CAST: variants seen among roughly 807,000 people sequenced by gnomAD.
CAST encodes the protein calpastatin.
Under a neutral mutation model 119.6 loss-of-function variants are expected in CAST, and 76 were observed. The observed-to-expected ratio is 0.64, with a 90% CI of 0.53 to 0.77. The LOEUF is 0.77. Ranked by LOEUF, CAST falls within the 30% of genes least tolerant of loss-of-function variation. The pLI, the probability that CAST is intolerant of heterozygous loss-of-function variation, is 0.00. For synonymous variants in CAST, 319 were observed against 331.6 expected (o/e 0.96, Z 0.41); for missense variants, 953 against 946.5 (o/e 1.01, Z -0.09).
chr5:96,320,567 C>T, the CAST span, among the ~76,000 whole-genome samples: 1 of 152,248 alleles, frequency 6.6e-6, no homozygotes, highest in African/African-American at 2.4e-5. Flanking sequence ...CTGAGCAGCA[C>T]TGGGGCTCCT....
intron 2 of CAST, among the ~76,000 whole-genome samples, chr5:96,690,240 AT>A (rs11377115): frequency 1.3e-4 from 20 of 151,000 alleles, no homozygotes; most frequent in Admixed American, 2.6e-4. Context: ...TTATTTATCT[AT>A]TTTTTTTTGA....
chr5:96,208,583 AC>A, the CAST span, among the ~76,000 whole-genome samples: 7 of 151,944 alleles, frequency 4.6e-5, no homozygotes, highest in Non-Finnish European at 7.4e-5. Flanking sequence ...TTCATTGTTT[AC>A]CCAAAAATCA....
At chr5:96,278,818 CCA>C in the CAST span, 3 of 152,136 alleles carry the variant, frequency 2.0e-5, no homozygotes, top group Non-Finnish European at 4.4e-5. Flanking sequence ...ATGTATCATG[CCA>C]CACACATGCA....
At chr5:96,309,669 C>T in the CAST span, among the ~76,000 whole-genome samples, 71 of 152,276 alleles carry the variant, frequency 4.7e-4, 1 homozygote, top group South Asian at 0.015. Flanking sequence ...CTGTTCCTCC[C>T]AGTACAGTCT....
rs1411834574 is a variant in CAST, at chr5:96,774,437, C to CT, written c.*1826dup. 1.1e-6 allele frequency: 1 copy of CT among 892,158 alleles called. No homozygotes were observed. The highest frequency in any genetic ancestry group is 6.2e-5 in the Admixed American group (1 of 16,172). 55.3% of individuals were successfully genotyped at this position (892,158 alleles called of 1,614,324 possible). The stretch of plus-strand genomic sequence containing the variant: ...GTAAGCTACAGGATCTAAAGCAGCC[C>CT]TTTTTACAGTCTAGTTAGGAGAGAG... On this transcript the variant is annotated 3_prime_UTR_variant, in exon 32 of 32. Transcript: ENST00000675179.
chr5:96,107,412 G>T, the CAST span, among the ~76,000 whole-genome samples: 11 of 151,496 alleles, frequency 7.3e-5, no homozygotes, highest in Non-Finnish European at 1.3e-4. Context: ...CTTTTAGGGC[G>T]GGCCTGGTGG....
intron 1 of CAST, among the ~76,000 whole-genome samples, chr5:96,635,938 G>A (rs1295187559): frequency 2.6e-5 from 4 of 152,054 alleles, no homozygotes; most frequent in Admixed American, 2.6e-4. Flanking sequence ...TCAATAACTA[G>A]TGTTTAATCT....
At chr5:96,260,171 C>A in the CAST span, among the ~76,000 whole-genome samples, 20 of 152,018 alleles carry the variant, frequency 1.3e-4, no homozygotes, top group Non-Finnish European at 2.5e-4. Context: ...AAAAAAACAA[C>A]AACAAAACTC....
the CAST span, among the ~76,000 whole-genome samples, chr5:96,433,501 G>T: frequency 1.3e-5 from 2 of 152,180 alleles, no homozygotes; most frequent in African/African-American, 4.8e-5. Context: ...AAAGAGAAGT[G>T]CCCCACTTGA....
rs772762933 is a variant in CAST, at chr5:96,767,935, A to G, written c.2204A>G (p.Asp735Gly). The G allele has an allele frequency of 1.9e-6, 3 of 1,613,394 alleles. No homozygotes were observed. The highest frequency in any genetic ancestry group is 1.7e-5 in the Admixed American group (1 of 59,966). The change falls in exon 29 of 32, where the codon GAT becomes GGT. Residue 735 changes from aspartate (D) to glycine (G), a missense_variant. By Grantham distance (94) the Asp-to-Gly change is moderately conservative. Transcript: ENST00000675179. ...CCTGCAGATGACCAAGACCCCATTG[A>G]TGCTCTCTCAGGAGATCTGGACAGC... ...KKPADDQDPI[D>G]ALSGDLDSCP...
At chr5:96,197,072 C>T in the CAST span, among the ~76,000 whole-genome samples, 3 of 152,196 alleles carry the variant, frequency 2.0e-5, no homozygotes, top group East Asian at 1.9e-4. Context: ...TTTATGTTCA[C>T]ATGTTCAGCA....
At chr5:96,661,873 C>CACACAG (rs200953056), upstream of CAST, among the ~76,000 whole-genome samples, 5 of 152,086 alleles carry the variant, frequency 3.3e-5, no homozygotes, top group African/African-American at 1.2e-4. Context: ...CACACACACA[C>CACACAG]AGACCAATTT....
chr5:96,479,532 C>A, the CAST span, among the ~76,000 whole-genome samples: 3 of 151,084 alleles, frequency 2.0e-5, no homozygotes, highest in Admixed American at 6.6e-5. Flanking sequence ...TCACTGCAAC[C>A]TCTGCCTCCC....
chr5:96,431,303 T>C, the CAST span, among the ~76,000 whole-genome samples: 1 of 152,248 alleles, frequency 6.6e-6, no homozygotes, highest in South Asian at 2.1e-4. Flanking sequence ...TTCTCCGATC[T>C]CATTATGTGC....
At chr5:96,002,758 A>C in the CAST span, among the ~76,000 whole-genome samples, 1 of 152,218 alleles carries the variant, frequency 6.6e-6, no homozygotes, top group African/African-American at 2.4e-5. Flanking sequence ...TTTAAGTGAA[A>C]GGACCACTGA....
At chr5:96,532,160 G>T (rs1367649304) in intron 1 of CAST, among the ~76,000 whole-genome samples, 1 of 151,972 alleles carries the variant, frequency 6.6e-6, no homozygotes, top group Non-Finnish European at 1.5e-5. Context: ...ACTGACTAAT[G>T]GAAGTTCCAG....
At chr5:96,307,941 C>A in the CAST span, among the ~76,000 whole-genome samples, 1 of 152,106 alleles carries the variant, frequency 6.6e-6, no homozygotes, top group Non-Finnish European at 1.5e-5. Context: ...TGGGATTGCT[C>A]TTCTTGAAGA....
At chr5:96,594,550 T>C (rs1216375131) in intron 1 of CAST, among the ~76,000 whole-genome samples, 5 of 152,252 alleles carry the variant, frequency 3.3e-5, no homozygotes, top group African/African-American at 1.2e-4. Context: ...TCTAGTAATT[T>C]AAATTTTAAT....
the CAST span, among the ~76,000 whole-genome samples, chr5:96,252,795 T>C: frequency 1.3e-5 from 2 of 152,174 alleles, no homozygotes; most frequent in African/African-American, 4.8e-5. Context: ...TCCCGGTTGA[T>C]TCATGCATTG....
Sources: gnomAD v4.1 joint callset for allele counts (sites outside exome capture counted in the v4.1 genomes callset) on GRCh38, gnomAD v4.1.1 for gene constraint, MANE v1.5 for transcripts, NCBI Gene and HGNC (gene_info 2026-07-23, HGNC 2026-07-21) for gene names.